The following EGR3 variants were observed in gnomAD, a reference collection of about 807,000 sequenced individuals.
EGR3 encodes early growth response 3, also known as early growth response protein 3.
A neutral mutation model predicts 22.4 loss-of-function variants in EGR3; 4 were observed. The ratio of observed to expected loss-of-function variants is 0.18; its 90% CI spans 0.09 to 0.41. The LOEUF (loss-of-function observed/expected upper bound fraction) is 0.41, where lower values mean the gene tolerates loss of function less well. Among genes scored for constraint, EGR3 ranks in the 10% least tolerant of loss-of-function variants. The pLI is 1.00. For synonymous variants in EGR3, 219 were observed against 226.8 expected, an observed-to-expected ratio of 0.97 and a Z score of 0.31; for missense variants, 315 against 541.3, an observed-to-expected ratio of 0.58 and a Z score of 4.15.
Position 22,688,458 on chromosome 8 carries a change from A to G in EGR3, c.*2015T>C, listed in dbSNP as rs1803835500. 2 of 152,574 alleles carry G rather than the reference A, an allele frequency of 1.3e-5. No individual in the cohort carries two copies. Among genetic ancestry groups the G allele is most frequent in the South Asian group, 2.1e-4 (1 of 4,828 alleles). 9.5% of individuals were successfully genotyped at this position (152,574 alleles called of 1,614,324 possible). Reference sequence around the variant, plus strand: ...AATATGGGCCCTCCTGGCAAACTTCATCTTCTTCTCTCTCCTTCTACAAAA... The same window carrying G: ...AATATGGGCCCTCCTGGCAAACTTCGTCTTCTTCTCTCTCCTTCTACAAAA... On this transcript the variant is annotated 3_prime_UTR_variant, in exon 2 of 2. Coordinates refer to ENST00000317216, the MANE Select transcript of EGR3 (RefSeq NM_004430.3).
rs1804017285 is a variant in EGR3, at chr8:22,692,839, A to G, written c.106T>C (p.Phe36Leu). Residue 36 changes from phenylalanine to leucine, a missense_variant, in exon 1 of 2, where the codon TTC (phenylalanine) becomes CTC (leucine). Transcript: ENST00000317216. This position sits in a 1 kb window ranked among gnomAD's most constrained non-coding sequence, Gnocchi z 6.2. ...PEEIPSALNL[F>L]SGSSDSVVHY... is the part of the protein sequence containing the mutation. Reference sequence around the variant, plus strand: ...ACTACCGAGTCGCTGCTGCCGGAGAAGAGGTTGAGCGCGCTGGGGATCTCC... The same window carrying G: ...ACTACCGAGTCGCTGCTGCCGGAGAGGAGGTTGAGCGCGCTGGGGATCTCC... The G allele has an allele frequency of 2.5e-6, 4 of 1,612,884 alleles. No individual in the cohort carries two copies. The highest frequency in any genetic ancestry group is 3.4e-6 in the Non-Finnish European group (4 of 1,179,654).
In EGR3 at chr8:22,690,658, G is replaced by A; in HGVS notation, c.979C>T (p.His327Tyr). ...CAGGCAAAGGGCTTCTCGCCCGTAT[G>A]AGTGCGGATGTGAGTGGTGAGGTGG... is the stretch of plus-strand genomic sequence containing the variant. ...SDHLTTHIRT[H>Y]TGEKPFACEF... is the part of the protein sequence containing the mutation. The change falls in exon 2 of 2, where the codon CAT becomes TAT. Residue 327 changes from histidine to tyrosine, a missense_variant. His to Tyr is a moderately conservative substitution (Grantham distance 83). Transcript: ENST00000317216. 6.2e-7 allele frequency: 1 copy of A among 1,614,098 alleles called. No homozygotes were observed. Among genetic ancestry groups the A allele is most frequent in the Non-Finnish European group, 8.5e-7 (1 of 1,179,948 alleles).
chr8:22,690,385 A>T lies in EGR3; in HGVS notation c.*88T>A. On this transcript the variant is annotated 3_prime_UTR_variant, in exon 2 of 2. Coordinates refer to ENST00000317216, the MANE Select transcript of EGR3 (RefSeq NM_004430.3). ...ATGGAGAGGCCAGGGCGCGGCCCCT[A>T]CGCCTCCGTGGCTGGCTTTCCCGCT... is the stretch of plus-strand genomic sequence containing the variant. 8.6e-7 allele frequency: 1 copy of T among 1,160,904 alleles called. No homozygotes were observed. The highest frequency in any genetic ancestry group is 1.2e-6 in the Non-Finnish European group (1 of 833,552). 71.9% of individuals were successfully genotyped at this position (1,160,904 alleles called of 1,614,324 possible).
rs1376398267 is a variant in EGR3, at chr8:22,693,256, G to C, written c.-312C>G. ...GGGGGTGGGGTGGGGGCTGGGCTGG[G>C]GGGGGATCTCGGCTCAAGGGGGTCG... On this transcript the variant is annotated 5_prime_UTR_variant, in exon 1 of 2. Transcript: ENST00000317216. 6.7e-6 allele frequency: 1 copy of C among 148,684 alleles called. No individual in the cohort carries two copies. Among genetic ancestry groups the C allele is most frequent in the Non-Finnish European group, 1.4e-5 (1 of 69,348 alleles). The allele number at this position is 148,684 out of a possible 1,614,324, so 9.2% of individuals were successfully genotyped here. A position where few individuals can be genotyped will look rare whatever the true frequency, so the allele number is the denominator to read the frequency against.
chr8:22,691,599 TG>T, intron 1 of EGR3, 117 bp from the exon 2 acceptor site: 2 of 1,473,486 alleles, frequency 1.4e-6, no homozygotes, highest in Non-Finnish European at 1.8e-6. Flanking sequence ...GCGTAGCGCA[TG>T]GGGTAAGAGG....
Position 22,689,104 on chromosome 8 carries a change from A to G in EGR3, c.*1369T>C, listed in dbSNP as rs1458443031. On this transcript the variant is annotated 3_prime_UTR_variant, in exon 2 of 2. Transcript: ENST00000317216. ...CCACACACATAACACACGTATGTAG[A>G]TATAATCTCATCAGTTAACATTTTC... 1 of 152,672 alleles carries G rather than the reference A, an allele frequency of 6.5e-6. No individual in the cohort carries two copies. The highest frequency in any genetic ancestry group is 1.5e-5 in the Non-Finnish European group (1 of 68,046). 9.5% of individuals were successfully genotyped at this position (152,672 alleles called of 1,614,324 possible).
At position 22,692,328 on chromosome 8, in the gene EGR3, GCAC is replaced by G; in HGVS notation, c.154+460_154+462del. The G allele has an allele frequency of 6.6e-7, 1 of 1,512,572 alleles. No individual in the cohort carries two copies. The highest frequency in any genetic ancestry group is 8.8e-7 in the Non-Finnish European group (1 of 1,137,124). The allele number at this position is 1,512,572 out of a possible 1,614,324, so 93.7% of individuals were successfully genotyped here. On this transcript the variant is annotated intron_variant, in intron 1 of 1. Coordinates refer to ENST00000317216, the MANE Select transcript of EGR3 (RefSeq NM_004430.3). The surrounding 1 kb of genome is among the most constrained non-coding windows in gnomAD (Gnocchi z 6.2). ...TCTCCCACCGCGGGGACTCCACGCC[GCAC>G]ATGGCTCCATCCCGGGTGGGAGGCT...
At position 22,692,235 on chromosome 8, in the gene EGR3, C is replaced by T. The variant is rs1321986725; in HGVS notation, c.154+556G>A. 6 of 1,464,688 alleles carry T rather than the reference C, an allele frequency of 4.1e-6. No homozygotes were observed. The African/African-American group carries it at 5.8e-5, about 14-fold the overall frequency. 90.7% of individuals were successfully genotyped at this position (1,464,688 alleles called of 1,614,324 possible). Reference sequence around the variant, plus strand: ...CCTCGCCCCGCGGGTGAACCCCCTCCTTCTCCCCGCCGTCCCCACACCCCC... The same window carrying T: ...CCTCGCCCCGCGGGTGAACCCCCTCTTTCTCCCCGCCGTCCCCACACCCCC... On this transcript the variant is annotated intron_variant, in intron 1 of 1. Transcript: ENST00000317216. This position sits in a 1 kb window ranked among gnomAD's most constrained non-coding sequence, Gnocchi z 6.2.
In EGR3 at chr8:22,691,094, C is replaced by G; in HGVS notation, c.543G>C (p.Pro181=). 1.2e-6 allele frequency: 2 copies of G among 1,613,778 alleles called. No homozygotes were observed. Among genetic ancestry groups the G allele is most frequent in the Non-Finnish European group, 1.7e-6 (2 of 1,179,734 alleles). ...YSPQDYQSAK[P]ALDSNLFPMI... Reference sequence around the variant, plus strand: ...TGGGGAAGAGATTGCTGTCCAACGCCGGCTTGGCCGATTGGTAATCCTGGG... The same window carrying G: ...TGGGGAAGAGATTGCTGTCCAACGCGGGCTTGGCCGATTGGTAATCCTGGG... Residue 181 remains proline, a synonymous_variant, in exon 2 of 2, where the codon CCG becomes CCC. Coordinates refer to ENST00000317216, the MANE Select transcript of EGR3 (RefSeq NM_004430.3).
chr8:22,691,191 T>C lies in EGR3; in HGVS notation c.446A>G (p.Asn149Ser). Residue 149 changes from asparagine (N) to serine (S), a missense_variant, in exon 2 of 2, where the codon AAC becomes AGC. Physicochemically the swap from Asn to Ser is conservative, Grantham distance 46 (BLOSUM62 1). This residue lies in a region of EGR3 where 227 missense variants were observed against 303.6 expected (regional missense o/e 0.75). Coordinates refer to ENST00000317216, the MANE Select transcript of EGR3 (RefSeq NM_004430.3). Reference protein sequence around the residue: ...AMYPALPPYSNCGDLYSEPVS... With the variant: ...AMYPALPPYSSCGDLYSEPVS... Reference sequence around the variant, plus strand: ...GGGCTCTGAGTAGAGGTCGCCGCAGTTGGAGTAGGGGGGTAGCGCGGGATA... The same window carrying C: ...GGGCTCTGAGTAGAGGTCGCCGCAGCTGGAGTAGGGGGGTAGCGCGGGATA... The C allele has an allele frequency of 6.2e-7, 1 of 1,613,604 alleles. No individual in the cohort carries two copies. Among genetic ancestry groups the C allele is most frequent in the Non-Finnish European group, 8.5e-7 (1 of 1,179,900 alleles).
Position 22,688,343 on chromosome 8 carries a change from AT to A in EGR3, c.*2129del. 6.6e-6 allele frequency: 1 copy of A among 152,614 alleles called. No homozygotes were observed. Among genetic ancestry groups the A allele is most frequent in the East Asian group, 1.9e-4 (1 of 5,206 alleles). 9.5% of individuals were successfully genotyped at this position (152,614 alleles called of 1,614,324 possible). The stretch of plus-strand genomic sequence containing the variant: ...TCCTTCTAGCTTGGAAGTGACCAAA[AT>A]TTTTGCTTTTTTAATAATCATCACA... On this transcript the variant is annotated 3_prime_UTR_variant, in exon 2 of 2. Transcript: ENST00000317216.
Position 22,690,531 on chromosome 8 carries a change from G to A in EGR3, c.1106C>T (p.Pro369Leu). 6.2e-7 allele frequency: 1 copy of A among 1,612,940 alleles called. No homozygotes were observed. The highest frequency in any genetic ancestry group is 8.5e-7 in the Non-Finnish European group (1 of 1,179,682). Residue 369 changes from proline (P) to leucine (L), a missense_variant, in exon 2 of 2, where the codon CCC becomes CTC. This residue lies in a region of EGR3 where 38 missense variants were observed against 37.5 expected (regional missense o/e 1.01). Transcript: ENST00000317216. Reference sequence around the variant, plus strand: ...CACGGGGGGCGCCGAGGATGCAGAGGGTGCACCGCCCTTCTCCGCCTTCTT... The same window carrying A: ...CACGGGGGGCGCCGAGGATGCAGAGAGTGCACCGCCCTTCTCCGCCTTCTT... Reference protein sequence around the residue: ...KEKKAEKGGAPSASSAPPVSL... With the variant: ...KEKKAEKGGALSASSAPPVSL...
In EGR3 at chr8:22,689,477, A is replaced by C. The variant is rs944327884; in HGVS notation, c.*996T>G. Reference sequence around the variant, plus strand: ...CTGGTTGAAGCCTGCCTTTCTGGGAAAAGATTTTGAAAGAGATGGGAGAAG... The same window carrying C: ...CTGGTTGAAGCCTGCCTTTCTGGGACAAGATTTTGAAAGAGATGGGAGAAG... On this transcript the variant is annotated 3_prime_UTR_variant, in exon 2 of 2. Transcript: ENST00000317216. 1.3e-5 allele frequency: 2 copies of C among 152,596 alleles called. No individual in the cohort carries two copies. The highest frequency in any genetic ancestry group is 2.9e-5 in the Non-Finnish European group (2 of 68,040). The allele number at this position is 152,596 out of a possible 1,614,324, so 9.5% of individuals were successfully genotyped here.
chr8:22,690,296 C>T lies in EGR3; in HGVS notation c.*177G>A, dbSNP rs535861312. ...GGCGCCTCCAGCCCTGGCCCCTGAC[C>T]GCTGGCCGGCGTGAAAGGTTGGGAA... is the stretch of plus-strand genomic sequence containing the variant. On this transcript the variant is annotated 3_prime_UTR_variant, in exon 2 of 2. Coordinates refer to ENST00000317216, the MANE Select transcript of EGR3 (RefSeq NM_004430.3). 8 of 618,554 alleles carry T rather than the reference C, an allele frequency of 1.3e-5. No homozygotes were observed. Among genetic ancestry groups the T allele is most frequent in the Admixed American group, 3.0e-5 (1 of 33,260 alleles). The allele number at this position is 618,554 out of a possible 1,614,324, so 38.3% of individuals were successfully genotyped here.
chr8:22,690,899 C>T lies in EGR3; in HGVS notation c.738G>A (p.Leu246=), dbSNP rs1247721037. ...DKQIHPGFGS[L]PQPPLTLKPI... ...GCTTGAGGGTGAGCGGCGGCTGGGG[C>T]AGGCTGCCAAAGCCCGGGTGGATCT... Residue 246 remains leucine (L), a synonymous_variant, in exon 2 of 2, where the codon CTG becomes CTA. Coordinates refer to ENST00000317216, the MANE Select transcript of EGR3 (RefSeq NM_004430.3). The T allele has an allele frequency of 3.8e-6, 6 of 1,578,652 alleles. No homozygotes were observed. The highest frequency in any genetic ancestry group is 5.2e-6 in the Non-Finnish European group (6 of 1,160,124).
chr8:22,691,529 G>C (rs774938581), intron 1 of EGR3, 47 bp from the exon 2 acceptor site: 2 of 1,592,754 alleles, frequency 1.3e-6, no homozygotes, highest in Non-Finnish European at 1.7e-6. Context: ...AAGCCGATCC[G>C]GCTCCGGGCC....
chr8:22,690,660 G>C lies in EGR3; in HGVS notation c.977C>G (p.Thr326Ser). 6.2e-7 allele frequency: 1 copy of C among 1,614,128 alleles called. No individual in the cohort carries two copies. The change falls in exon 2 of 2, where the codon ACT becomes AGT. Residue 326 changes from threonine to serine, a missense_variant. Around this residue, in one of 4 missense-constraint regions of EGR3, gnomAD observed 16 missense variants for 118.3 expected, o/e 0.14. Transcript: ENST00000317216. ...RSDHLTTHIR[T>S]HTGEKPFACE... ...GGCAAAGGGCTTCTCGCCCGTATGAGTGCGGATGTGAGTGGTGAGGTGGTC... is the reference window on the plus strand; with the variant it reads ...GGCAAAGGGCTTCTCGCCCGTATGACTGCGGATGTGAGTGGTGAGGTGGTC...
intron 1 of EGR3, chr8:22,691,900 C>G: frequency 1.6e-6 from 2 of 1,229,920 alleles, no homozygotes; most frequent in Non-Finnish European, 2.0e-6. Flanking sequence ...CTGTCCGCTC[C>G]AGGACGCCGC....
chr8:22,691,931 GC>G (rs956373795), intron 1 of EGR3: 13 of 1,231,624 alleles, frequency 1.1e-5, no homozygotes, highest in African/African-American at 3.1e-5. Flanking sequence ...CCCCGGCGAT[GC>G]CCCCCACGCG....
Sources: allele counts gnomAD v4.1 joint callset, GRCh38; gene constraint gnomAD v4.1.1; regional missense constraint gnomAD v4.1.1; non-coding constraint Gnocchi (gnomAD v3.1); transcripts MANE v1.5; gene names NCBI Gene and HGNC (gene_info 2026-07-23, HGNC 2026-07-21).